Variants in NOL4 observed in about 807,000 individuals in gnomAD.
The protein encoded by NOL4 is nucleolar protein 4, also known as cancer/testis antigen 125.
A neutral mutation model predicts 75.9 loss-of-function variants in NOL4; 17 were observed. That is an observed-to-expected ratio of 0.22 (90% CI 0.15 to 0.34). The LOEUF is 0.34. NOL4 is among the 10% of genes least tolerant of loss of function. The probability of loss-of-function intolerance (pLI) is 1.00; values close to 1 mark genes in which losing one functional copy is unlikely to be tolerated. For missense variants in NOL4, 614 were observed against 793.5 expected, an observed-to-expected ratio of 0.77 and a Z score of 2.72; for synonymous variants, 292 against 289.9, an observed-to-expected ratio of 1.01 and a Z score of -0.07.
intron 7 of NOL4, 87 bp from the exon 8 acceptor site, chr18:33,957,604 A>G (rs2069747787): frequency 8.4e-6 from 9 of 1,067,654 alleles, no homozygotes; most frequent in Non-Finnish European, 1.2e-5. Context: ...CCGATAGGAA[A>G]ATACTGTTTT....
intron 6 of NOL4, among the ~76,000 whole-genome samples, chr18:33,982,320 A>G (rs1425366069): frequency 6.6e-6 from 1 of 152,132 alleles, no homozygotes; most frequent in Non-Finnish European, 1.5e-5. Context: ...CAAGAAGCCC[A>G]ATTCAAATAT....
intron 1 of NOL4, among the ~76,000 whole-genome samples, chr18:34,194,439 G>GGAAA (rs2035162960): frequency 7.0e-6 from 1 of 142,350 alleles, no homozygotes; most frequent in Non-Finnish European, 1.5e-5. Flanking sequence ...AAGGAAGGAA[G>GGAAA]GAAGGAAGGA....
At chr18:33,881,029 C>A (rs1404101997) in intron 10 of NOL4, among the ~76,000 whole-genome samples, 2 of 151,942 alleles carry the variant, frequency 1.3e-5, no homozygotes, top group East Asian at 1.9e-4. Flanking sequence ...ACCACCACCT[C>A]CCCTCACCAA....
rs551067749 is a variant in NOL4 at position 34,188,307 on chromosome 18, AG to A, written c.264+34682del. 1.8e-4 allele frequency among the ~76,000 whole-genome samples: 28 copies of A among 152,350 alleles called. No homozygotes were observed. In the South Asian group the frequency reaches 5.8e-3, roughly 32 times the overall value. On this transcript the variant is annotated intron_variant, in intron 1 of 10. Transcript: ENST00000261592. ...TCATTAGCAGGGCAAATTCAGTCTC[AG>A]GGGTGTCTAAGATACAATGCCAGAG... is the stretch of plus-strand genomic sequence containing the variant.
intron 5 of NOL4, among the ~76,000 whole-genome samples, chr18:34,057,287 T>C (rs1423707970): frequency 1.3e-5 from 2 of 152,216 alleles, no homozygotes; most frequent in East Asian, 3.9e-4. Context: ...CACATGTGCA[T>C]ATGTACACTC....
chr18:34,120,335 C>T (rs934545302), intron 2 of NOL4, among the ~76,000 whole-genome samples: 1 of 152,168 alleles, frequency 6.6e-6, no homozygotes, highest in Non-Finnish European at 1.5e-5. Flanking sequence ...TAAGCTAGCA[C>T]ATATACACAC....
At chr18:33,889,702 C>G in intron 9 of NOL4, among the ~76,000 whole-genome samples, 1 of 152,230 alleles carries the variant, frequency 6.6e-6, no homozygotes, top group East Asian at 1.9e-4. Context: ...ATCAAGTTGG[C>G]TTCATCCCTG....
intron 5 of NOL4, among the ~76,000 whole-genome samples, chr18:34,075,925 T>C (rs1416549181): frequency 1.3e-5 from 2 of 152,168 alleles, no homozygotes; most frequent in Admixed American, 1.3e-4. Context: ...TACTAATTGG[T>C]CATTTCATTT....
chr18:34,029,544 T>G (rs1410579371), intron 5 of NOL4, among the ~76,000 whole-genome samples: 1 of 152,152 alleles, frequency 6.6e-6, no homozygotes, highest in African/African-American at 2.4e-5. Flanking sequence ...CAAAGCCCAC[T>G]TAACACTCAG....
At chr18:34,122,030 T>G (rs1205087099) in intron 2 of NOL4, among the ~76,000 whole-genome samples, 1 of 152,192 alleles carries the variant, frequency 6.6e-6, no homozygotes, top group Non-Finnish European at 1.5e-5. Flanking sequence ...CACGTCTATG[T>G]ATTATCTATT....
chr18:34,038,971 C>G (rs1391818095), intron 5 of NOL4, among the ~76,000 whole-genome samples: 1 of 151,828 alleles, frequency 6.6e-6, no homozygotes, highest in Non-Finnish European at 1.5e-5. Flanking sequence ...CAGGTTTGAT[C>G]ATTATACATT....
intron 2 of NOL4, among the ~76,000 whole-genome samples, chr18:34,113,050 C>G (rs1421496273): frequency 6.6e-6 from 1 of 152,172 alleles, no homozygotes; most frequent in Non-Finnish European, 1.5e-5. Flanking sequence ...ACTGTAGACT[C>G]AAAGTCCTGG....
intron 9 of NOL4, among the ~76,000 whole-genome samples, chr18:33,938,508 T>C (rs1209849454): frequency 6.6e-6 from 1 of 152,180 alleles, no homozygotes; most frequent in African/African-American, 2.4e-5. Flanking sequence ...ATTGTGGTTT[T>C]GATTTGCATT....
intron 9 of NOL4, among the ~76,000 whole-genome samples, chr18:33,911,774 T>C (rs1366778191): frequency 6.6e-6 from 1 of 152,146 alleles, no homozygotes; most frequent in Non-Finnish European, 1.5e-5. Context: ...AATCAGACTG[T>C]CTCCATACTT....
chr18:33,946,617 C>T (rs2068852850), intron 8 of NOL4, among the ~76,000 whole-genome samples: 4 of 151,854 alleles, frequency 2.6e-5, no homozygotes, highest in Admixed American at 2.6e-4. Context: ...CTACACATTC[C>T]TGTGAGGAAA....
At chr18:33,870,684 G>A (rs902318236) in intron 10 of NOL4, among the ~76,000 whole-genome samples, 1 of 151,714 alleles carries the variant, frequency 6.6e-6, no homozygotes, top group African/African-American at 2.4e-5. Context: ...TCATAAATAT[G>A]CTTTCAGGAA....
At chr18:34,173,489 T>A (rs1203859716) in intron 1 of NOL4, among the ~76,000 whole-genome samples, 3 of 152,156 alleles carry the variant, frequency 2.0e-5, no homozygotes, top group Non-Finnish European at 4.4e-5. Flanking sequence ...TATGTGTATA[T>A]CAGATCGTCA....
chr18:34,122,096 G>A (rs1001582683), intron 2 of NOL4, among the ~76,000 whole-genome samples: 1 of 152,270 alleles, frequency 6.6e-6, no homozygotes, highest in Admixed American at 6.5e-5. Flanking sequence ...CAAATTCTCA[G>A]AAGAGCAACT....
chr18:34,000,631 T>C (rs1185226008), intron 6 of NOL4, among the ~76,000 whole-genome samples: 1 of 152,096 alleles, frequency 6.6e-6, no homozygotes. Flanking sequence ...AATGTCCACA[T>C]CATATTCTTG....
Sources: gnomAD v4.1 joint callset for allele counts (sites outside exome capture counted in the v4.1 genomes callset) on GRCh38, gnomAD v4.1.1 for gene constraint, MANE v1.5 for transcripts, NCBI Gene and HGNC (gene_info 2026-07-23, HGNC 2026-07-21) for gene names.